The following AMPH variants were observed in gnomAD, a reference collection of about 807,000 sequenced individuals.
The protein encoded by AMPH is amphiphysin, also known as amphiphysin (Stiff-Mann syndrome with breast cancer 128kD autoantigen).
AMPH carries 49 observed loss-of-function variants against 99.1 expected under a neutral mutation model. The ratio of observed to expected loss-of-function variants is 0.49; its 90% confidence interval spans 0.39 to 0.63. AMPH has a LOEUF of 0.63. Ranked by LOEUF, AMPH falls within the 20% of genes least tolerant of loss-of-function variation. The pLI, the probability that AMPH is intolerant of heterozygous loss-of-function variation, is 0.00. For missense variants in AMPH, 759 were observed against 863.4 expected, an observed-to-expected ratio of 0.88 and a Z score of 1.52; for synonymous variants, 314 against 317.3, an observed-to-expected ratio of 0.99 and a Z score of 0.11.
At chr7:38,428,782 T>C (rs1249920453) in intron 14 of AMPH, 2 of 458,894 alleles carry the variant, frequency 4.4e-6, no homozygotes, top group South Asian at 3.1e-5. Flanking sequence ...CCTTGGTCTC[T>C]GTCACTAAGT....
intron 1 of AMPH, among the ~76,000 whole-genome samples, chr7:38,595,064 G>C (rs1447733408): frequency 6.6e-6 from 1 of 152,174 alleles, no homozygotes; most frequent in Non-Finnish European, 1.5e-5. Flanking sequence ...GAGGAAAACA[G>C]GGACAGGAGT....
intron 2 of AMPH, among the ~76,000 whole-genome samples, chr7:38,510,013 C>T (rs1789481017): frequency 6.6e-6 from 1 of 152,154 alleles, no homozygotes; most frequent in Admixed American, 6.5e-5. Context: ...ATCATTACTC[C>T]AGGCCTAATC....
rs2392573 is a variant in AMPH, at chr7:38,438,535, C to A, written c.1018-2147G>T. ...GAATTCTCAAAGTTCTGCAAGTTCT[C>A]CATAAAATTTTAGGTCATGGGAATA... On this transcript the variant is annotated intron_variant, in intron 11 of 20. Transcript: ENST00000356264. Among the ~76,000 whole-genome samples, 5 of 51,760 alleles carry A rather than the reference C, an allele frequency of 9.7e-5. No homozygotes were observed. In the Admixed American group the frequency reaches 1.2e-3, roughly 12 times the overall value. The allele number at this position is 51,760 out of a possible 152,430, so 34.0% of individuals were successfully genotyped here.
At chr7:38,546,886 C>T (rs930370571) in intron 1 of AMPH, among the ~76,000 whole-genome samples, 4 of 152,184 alleles carry the variant, frequency 2.6e-5, no homozygotes, top group Admixed American at 1.3e-4. Context: ...CATTCTCCAC[C>T]CTTCTCCACA....
chr7:38,462,543 T>C (rs1227735281), intron 10 of AMPH, among the ~76,000 whole-genome samples: 1 of 152,184 alleles, frequency 6.6e-6, no homozygotes, highest in Non-Finnish European at 1.5e-5. Flanking sequence ...GTGTGTGTAC[T>C]AAAAAATGTC....
intron 1 of AMPH, among the ~76,000 whole-genome samples, chr7:38,574,164 C>T (rs1301621948): frequency 6.6e-6 from 1 of 152,192 alleles, no homozygotes; most frequent in East Asian, 1.9e-4. Context: ...CTTGATTTCC[C>T]ACAACGAGTG....
chr7:38,530,515 T>C (rs763405912), intron 2 of AMPH, among the ~76,000 whole-genome samples: 3 of 152,218 alleles, frequency 2.0e-5, no homozygotes, highest in Non-Finnish European at 2.9e-5. Flanking sequence ...TGTTCTTAGA[T>C]GGGACCTGGA....
At chr7:38,386,305 T>C (rs539608217) in intron 20 of AMPH, among the ~76,000 whole-genome samples, 1 of 152,246 alleles carries the variant, frequency 6.6e-6, no homozygotes, top group Admixed American at 6.5e-5. Flanking sequence ...TAAAAGGTCA[T>C]TTTTCCCCCA....
chr7:38,447,310 C>T lies in AMPH; in HGVS notation c.1018-10922G>A, dbSNP rs981374283. 7.9e-5 allele frequency among the ~76,000 whole-genome samples: 12 copies of T among 152,168 alleles called. No individual in the cohort carries two copies. In the South Asian group the frequency reaches 8.3e-4, roughly 11 times the overall value. ...CTGGGAGTACAGGCATGAGCTACCA[C>T]GCCCGGCCACATTTCAGTTACTATT... On this transcript the variant is annotated intron_variant, in intron 11 of 20. Transcript: ENST00000356264.
chr7:38,605,576 T>C (rs1160339299), intron 1 of AMPH, among the ~76,000 whole-genome samples: 2 of 138,034 alleles, frequency 1.4e-5, no homozygotes, highest in Admixed American at 1.4e-4. Flanking sequence ...TTTTTCTTTT[T>C]CTTTTTTTCT....
chr7:38,598,271 T>TTTGTTG lies in AMPH; in HGVS notation c.69+33006_69+33011dup, dbSNP rs754533901. Among the ~76,000 whole-genome samples, 12 of 151,882 alleles carry TTTGTTG rather than the reference T, an allele frequency of 7.9e-5. No individual in the cohort carries two copies. In the South Asian group the frequency reaches 2.5e-3, roughly 31 times the overall value. On this transcript the variant is annotated intron_variant, in intron 1 of 20. Transcript: ENST00000356264. ...TGTTTTTTGTTGTTGTTGTTGTTCT[T>TTTGTTG]TTGTTGTTGTTGTTGTTGTTGTTTG...
Position 38,432,156 on chromosome 7 carries a change from A to T in AMPH, c.1158+33T>A, listed in dbSNP as rs757501130. On this transcript the variant is annotated intron_variant, in intron 13 of 20. Coordinates refer to ENST00000356264, the MANE Select transcript of AMPH (RefSeq NM_001635.4). ...GGTTTCCAAATTTCTGGGGATCAAG[A>T]TACATGAAAAAACAGAGTTATTAGT... The T allele has an allele frequency of 3.1e-6, 5 of 1,592,796 alleles. No individual in the cohort carries two copies. The East Asian group carries it at 1.1e-4, about 36-fold the overall frequency.
At chr7:38,569,611 A>C (rs969047611) in intron 1 of AMPH, among the ~76,000 whole-genome samples, 1 of 152,058 alleles carries the variant, frequency 6.6e-6, no homozygotes, top group Non-Finnish European at 1.5e-5. Flanking sequence ...TAACATATAT[A>C]TATATAAAAT....
intron 7 of AMPH, among the ~76,000 whole-genome samples, chr7:38,466,905 C>G (rs1442862704): frequency 6.6e-6 from 1 of 152,182 alleles, no homozygotes; most frequent in Admixed American, 6.5e-5. Context: ...TATGGCTTAT[C>G]TTTACTTAAA....
intron 11 of AMPH, among the ~76,000 whole-genome samples, chr7:38,444,138 T>C (rs936727483): frequency 6.6e-6 from 1 of 152,186 alleles, no homozygotes; most frequent in Non-Finnish European, 1.5e-5. Flanking sequence ...ATAATGTCTG[T>C]ACATTGCAAA....
chr7:38,623,932 T>C (rs1794153342), intron 1 of AMPH, among the ~76,000 whole-genome samples: 1 of 152,214 alleles, frequency 6.6e-6, no homozygotes, highest in African/African-American at 2.4e-5. Context: ...ACTGTTTGAC[T>C]CACAAATATG....
intron 11 of AMPH, among the ~76,000 whole-genome samples, chr7:38,439,833 T>C (rs1786432662): frequency 6.6e-6 from 1 of 152,144 alleles, no homozygotes; most frequent in East Asian, 1.9e-4. Context: ...TCTAAGTTTA[T>C]CAGTAAAGTA....
chr7:38,392,954 A>G (rs1277846773), intron 18 of AMPH, among the ~76,000 whole-genome samples: 5 of 152,232 alleles, frequency 3.3e-5, no homozygotes, highest in Non-Finnish European at 7.3e-5. Context: ...CCAAAGGATT[A>G]GGACCACCCT....
chr7:38,462,597 T>C (rs1787490999), intron 10 of AMPH, among the ~76,000 whole-genome samples: 2 of 152,192 alleles, frequency 1.3e-5, no homozygotes, highest in African/African-American at 4.8e-5. Flanking sequence ...ACATAACCGC[T>C]TTTCTTGGCA....
Sources: gnomAD v4.1 joint callset for allele counts (sites outside exome capture counted in the v4.1 genomes callset) on GRCh38, gnomAD v4.1.1 for gene constraint, MANE v1.5 for transcripts, NCBI Gene and HGNC (gene_info 2026-07-23, HGNC 2026-07-21) for gene names.